Variants in DSE observed in about 807,000 individuals in gnomAD.
DSE encodes the protein dermatan-sulfate epimerase.
DSE carries 36 observed loss-of-function variants against 84.4 expected under a neutral mutation model. The observed-to-expected ratio is 0.43, with a 90% confidence interval of 0.33 to 0.56. DSE has a LOEUF of 0.56. Among genes scored for constraint, DSE ranks in the 20% least tolerant of loss-of-function variants. The probability of loss-of-function intolerance (pLI) is 0.06; values close to 1 mark genes in which losing one functional copy is unlikely to be tolerated. For synonymous variants in DSE, 410 were observed against 430.1 expected, an observed-to-expected ratio of 0.95 and a Z score of 0.58; for missense variants, 862 against 1,169.6, an observed-to-expected ratio of 0.74 and a Z score of 3.84.
At chr6:116,404,688 G>T (rs368583127) in intron 2 of DSE, among the ~76,000 whole-genome samples, 1 of 152,208 alleles carries the variant, frequency 6.6e-6, no homozygotes, top group East Asian at 1.9e-4. Context: ...TAAAAAGTTT[G>T]TTATTATTAC....
Position 116,437,164 on chromosome 6 carries a change from C to T in DSE, c.2696C>T (p.Ser899Phe). The T allele has an allele frequency of 1.9e-6, 3 of 1,614,148 alleles. No individual in the cohort carries two copies. Among genetic ancestry groups the T allele is most frequent in the Non-Finnish European group, 2.5e-6 (3 of 1,180,004 alleles). Residue 899 changes from serine (S) to phenylalanine (F), a missense_variant, in exon 6 of 6, where the codon TCC becomes TTC. Ser to Phe is a radical substitution (Grantham distance 155). Coordinates refer to ENST00000644252, the MANE Select transcript of DSE (RefSeq NM_013352.4). ...AGCAGGGCCCCATCACTGTCTGCTTCCTATACCAGGTTGTTCCTGATTCTG... is the reference window on the plus strand; with the variant it reads ...AGCAGGGCCCCATCACTGTCTGCTTTCTATACCAGGTTGTTCCTGATTCTG... ...THSRAPSLSA[S>F]YTRLFLILNI...
chr6:116,273,496 A>T (rs2114618371), intron 2 of DSE, among the ~76,000 whole-genome samples: 2 of 152,342 alleles, frequency 1.3e-5, no homozygotes, highest in South Asian at 4.1e-4. Flanking sequence ...ATAAATGCAT[A>T]GAGAGCATAC....
chr6:116,398,266 A>G (rs1315297564), intron 1 of DSE, among the ~76,000 whole-genome samples: 3 of 151,964 alleles, frequency 2.0e-5, no homozygotes, highest in African/African-American at 7.3e-5. Flanking sequence ...TATTTTTTTT[A>G]GTGTTTCTAC....
chr6:116,289,314 C>T (rs1449930768), intron 2 of DSE, among the ~76,000 whole-genome samples: 1 of 151,792 alleles, frequency 6.6e-6, no homozygotes, highest in Non-Finnish European at 1.5e-5. Flanking sequence ...TTTTTAAAGT[C>T]ACTATGAATC....
intron 2 of DSE, chr6:116,279,462 C>T: frequency 6.2e-7 from 1 of 1,613,106 alleles, no homozygotes; most frequent in Admixed American, 1.7e-5. Context: ...CCTGAACGCC[C>T]TTTTTCAGGC....
chr6:116,298,797 C>T (rs1774819053), intron 2 of DSE, among the ~76,000 whole-genome samples: 1 of 152,148 alleles, frequency 6.6e-6, no homozygotes, highest in Non-Finnish European at 1.5e-5. Context: ...TCACACAAAG[C>T]CTTTGACTTT....
At chr6:116,387,378 A>C (rs994258405) in intron 1 of DSE, among the ~76,000 whole-genome samples, 1 of 152,228 alleles carries the variant, frequency 6.6e-6, no homozygotes, top group Non-Finnish European at 1.5e-5. Flanking sequence ...TTTCCAAATA[A>C]TTGGTTTGAG....
intron 2 of DSE, among the ~76,000 whole-genome samples, chr6:116,330,418 A>T (rs1776867887): frequency 6.6e-6 from 1 of 152,178 alleles, no homozygotes; most frequent in Non-Finnish European, 1.5e-5. Context: ...AACAAAATGC[A>T]TTTTTAATCT....
chr6:116,364,228 G>A (rs1779049353), intron 2 of DSE, among the ~76,000 whole-genome samples: 1 of 152,092 alleles, frequency 6.6e-6, no homozygotes, highest in South Asian at 2.1e-4. Flanking sequence ...TAAAATGGCA[G>A]TGTTTCCATT....
intron 2 of DSE, among the ~76,000 whole-genome samples, chr6:116,328,072 T>C (rs901921094): frequency 3.9e-5 from 6 of 152,158 alleles, no homozygotes; most frequent in African/African-American, 1.4e-4. Flanking sequence ...GAGGGAACAT[T>C]AGCCCATCAA....
chr6:116,376,955 A>AC (rs1323767132), intron 1 of DSE, among the ~76,000 whole-genome samples: 1 of 152,102 alleles, frequency 6.6e-6, no homozygotes, highest in African/African-American at 2.4e-5. Flanking sequence ...CTGCATGCCA[A>AC]CCCCCACCTT....
chr6:116,315,586 T>C (rs1353090015), intron 2 of DSE, among the ~76,000 whole-genome samples: 1 of 152,146 alleles, frequency 6.6e-6, no homozygotes, highest in Non-Finnish European at 1.5e-5. Flanking sequence ...CCAGGTTGTT[T>C]ATCTCCAGAT....
At chr6:116,334,138 A>G (rs1199759506) in intron 2 of DSE, among the ~76,000 whole-genome samples, 1 of 152,192 alleles carries the variant, frequency 6.6e-6, no homozygotes, top group Non-Finnish European at 1.5e-5. Flanking sequence ...ATTCTTGAGG[A>G]CAAGTTCTTA....
intron 2 of DSE, among the ~76,000 whole-genome samples, chr6:116,324,124 G>A (rs906839709): frequency 1.3e-5 from 2 of 152,050 alleles, no homozygotes; most frequent in African/African-American, 4.8e-5. Flanking sequence ...GCTCCAAAGG[G>A]GCTTTCTTCG....
At chr6:116,416,062 C>T (rs1264060102) in intron 2 of DSE, among the ~76,000 whole-genome samples, 1 of 152,160 alleles carries the variant, frequency 6.6e-6, no homozygotes, top group Non-Finnish European at 1.5e-5. Context: ...ACATATATTC[C>T]TTTGCTTGTA....
intron 2 of DSE, among the ~76,000 whole-genome samples, chr6:116,423,725 C>T (rs1297700032): frequency 2.0e-5 from 3 of 152,166 alleles, no homozygotes; most frequent in Admixed American, 1.3e-4. Flanking sequence ...GTTTTTATGA[C>T]TGTAAAATAT....
chr6:116,315,144 T>A (rs4449661), intron 2 of DSE, among the ~76,000 whole-genome samples: 36,882 of 152,084 alleles, frequency 0.24, 5,555 homozygotes, highest in East Asian at 0.64. Context: ...AGTTTCTTCA[T>A]CAGTACAATG....
intron 2 of DSE, among the ~76,000 whole-genome samples, chr6:116,327,862 A>G (rs1760063992): frequency 6.6e-6 from 1 of 152,222 alleles, no homozygotes; most frequent in African/African-American, 2.4e-5. Flanking sequence ...CACAACAGCT[A>G]AAAGTCTTTC....
At position 116,399,205 on chromosome 6, in the gene DSE, C is replaced by A; in HGVS notation, c.-46C>A. The A allele has an allele frequency of 6.2e-7, 1 of 1,610,616 alleles. No homozygotes were observed. Among genetic ancestry groups the A allele is most frequent in the Non-Finnish European group, 8.5e-7 (1 of 1,179,704 alleles). Reference sequence around the variant, plus strand: ...CCTTTTTATCTCACGTAGGATCTTTCGAAGATGGTTTGGCTGCCTTGGAGA... The same window carrying A: ...CCTTTTTATCTCACGTAGGATCTTTAGAAGATGGTTTGGCTGCCTTGGAGA... On this transcript the variant is annotated 5_prime_UTR_variant, in exon 2 of 6. Transcript: ENST00000644252.
Sources: gnomAD v4.1 joint callset for allele counts (sites outside exome capture counted in the v4.1 genomes callset) on GRCh38, gnomAD v4.1.1 for gene constraint, MANE v1.5 for transcripts, NCBI Gene and HGNC (gene_info 2026-07-23, HGNC 2026-07-21) for gene names.